The following SERINC5 variants were observed in gnomAD, a reference collection of about 807,000 sequenced individuals.
SERINC5 encodes serine incorporator 5, also known as chromosome 5 open reading frame 12.
Under a neutral mutation model 63.1 loss-of-function variants are expected in SERINC5, and 41 were observed. The observed-to-expected ratio is 0.65, with a 90% CI of 0.51 to 0.84. The LOEUF (loss-of-function observed/expected upper bound fraction) is 0.84, where lower values mean the gene tolerates loss of function less well. Among genes scored for constraint, SERINC5 ranks in the 40% least tolerant of loss-of-function variants. SERINC5 has a pLI of 0.00. For synonymous variants in SERINC5, 222 were observed against 215.2 expected, an observed-to-expected ratio of 1.03 and a Z score of -0.28; for missense variants, 523 against 573.0, an observed-to-expected ratio of 0.91 and a Z score of 0.89.
chr5:80,120,768 T>G (rs1438038263), intron 11 of SERINC5, among the ~76,000 whole-genome samples: 1 of 152,080 alleles, frequency 6.6e-6, no homozygotes, highest in Non-Finnish European at 1.5e-5. Flanking sequence ...GAGCCGAGTT[T>G]CAGGCTGCAC....
At chr5:80,118,022 G>T (rs1160999814) in intron 11 of SERINC5, among the ~76,000 whole-genome samples, 6 of 152,084 alleles carry the variant, frequency 3.9e-5, no homozygotes, top group Middle Eastern at 3.2e-3. Context: ...GGTCAACATG[G>T]TGAAACCCCA....
In SERINC5 at chr5:80,169,493, G is replaced by A. The variant is rs540414970; in HGVS notation, c.605C>T (p.Thr202Met). The change falls in exon 6 of 12, where the codon ACG (threonine) becomes ATG (methionine). Residue 202 changes from threonine (T) to methionine (M), a missense_variant. Physicochemically the swap from Thr to Met is moderately conservative, Grantham distance 81. Transcript: ENST00000507668. ...KLWYASLALV[T>M]LIMYSIATGG... ...AGTGGCAATGGAATACATGATGAGC[G>A]TCACCAGGGCCAGGGAGGCGTACCA... 128 of 1,613,884 alleles carry A rather than the reference G, an allele frequency of 7.9e-5. No homozygotes were observed. The East Asian group carries it at 2.0e-3, about 25-fold the overall frequency.
intron 6 of SERINC5, among the ~76,000 whole-genome samples, chr5:80,168,287 C>T (rs1021758558): frequency 2.0e-5 from 3 of 151,962 alleles, no homozygotes; most frequent in South Asian, 2.1e-4. Flanking sequence ...CCCCGCCTCC[C>T]GGGTTCAAGC....
intron 1 of SERINC5, among the ~76,000 whole-genome samples, chr5:80,229,779 G>A (rs1487109797): frequency 6.6e-6 from 1 of 152,172 alleles, no homozygotes; most frequent in East Asian, 1.9e-4. Context: ...TTGCATGCAT[G>A]CTCATTTCAT....
intron 3 of SERINC5, 98 bp from the exon 4 acceptor site, chr5:80,177,495 T>C: frequency 2.1e-6 from 2 of 943,104 alleles, no homozygotes; most frequent in East Asian, 2.5e-5. Context: ...TCCATGATTC[T>C]GCCATTGGCC....
At chr5:80,197,308 T>TGAGA (rs34195156) in intron 2 of SERINC5, among the ~76,000 whole-genome samples, 532 of 136,782 alleles carry the variant, frequency 3.9e-3, no homozygotes, top group African/African-American at 8.0e-3. Flanking sequence ...ACTCCATCTG[T>TGAGA]GAGAGAGAGA....
intron 11 of SERINC5, among the ~76,000 whole-genome samples, chr5:80,131,498 G>C (rs1423551812): frequency 6.6e-6 from 1 of 152,218 alleles, no homozygotes. Context: ...TCCAGTATGG[G>C]AAAGAGTGTG....
intron 1 of SERINC5, among the ~76,000 whole-genome samples, chr5:80,248,275 G>A (rs1415123281): frequency 1.3e-5 from 2 of 152,192 alleles, no homozygotes; most frequent in Non-Finnish European, 2.9e-5. Context: ...GGGCCACTAA[G>A]TCAAATATAG....
intron 2 of SERINC5, among the ~76,000 whole-genome samples, chr5:80,192,350 C>T (rs563758586): frequency 6.6e-6 from 1 of 152,316 alleles, no homozygotes; most frequent in South Asian, 2.1e-4. Context: ...CCTGCCTTCT[C>T]CCATGAGACT....
chr5:80,242,845 C>T (rs1033151614), intron 1 of SERINC5, among the ~76,000 whole-genome samples: 15 of 152,190 alleles, frequency 9.9e-5, no homozygotes, highest in African/African-American at 3.6e-4. Context: ...ATTGCTTGAA[C>T]TTGGGAGACA....
intron 8 of SERINC5, among the ~76,000 whole-genome samples, chr5:80,153,490 C>T (rs1746319669): frequency 1.3e-5 from 2 of 151,276 alleles, no homozygotes; most frequent in South Asian, 2.1e-4. Context: ...TTTTTATAAG[C>T]TCTTAAAGCC....
intron 1 of SERINC5, among the ~76,000 whole-genome samples, chr5:80,246,334 T>C (rs1752168124): frequency 6.6e-6 from 1 of 152,202 alleles, no homozygotes; most frequent in Non-Finnish European, 1.5e-5. Flanking sequence ...AAAGACCTCA[T>C]GAATTTTGTT....
downstream of SERINC5, among the ~76,000 whole-genome samples, chr5:80,138,066 G>A (rs1745285815): frequency 6.6e-6 from 1 of 151,882 alleles, no homozygotes; most frequent in African/African-American, 2.4e-5. Flanking sequence ...GGCACAAAAA[G>A]ACAAATGCTT....
rs574487676 is a variant in SERINC5, at chr5:80,142,225, T to G, written c.*1438A>C. On this transcript the variant is annotated 3_prime_UTR_variant, in exon 12 of 12. Transcript: ENST00000507668. ...ATCAACACTGAAAATAGGCATCATC[T>G]TGGGTAGCTGCCGAAAGTCACGTTT... is the stretch of plus-strand genomic sequence containing the variant. 15 of 983,612 alleles carry G rather than the reference T, an allele frequency of 1.5e-5. 1 individual carries two copies. In the African/African-American group the frequency reaches 2.4e-4, roughly 16 times the overall value. 60.9% of individuals were successfully genotyped at this position (983,612 alleles called of 1,614,324 possible).
intron 9 of SERINC5, among the ~76,000 whole-genome samples, chr5:80,147,557 C>T (rs1745901504): frequency 6.6e-6 from 1 of 152,190 alleles, no homozygotes; most frequent in Non-Finnish European, 1.5e-5. Flanking sequence ...TCCTGGGTAA[C>T]TGCCATGGAA....
chr5:80,139,083 T>C lies in SERINC5; in HGVS notation c.*4580A>G, dbSNP rs1048619202. 1.1e-5 allele frequency: 11 copies of C among 984,104 alleles called. No individual in the cohort carries two copies. Among genetic ancestry groups the C allele is most frequent in the Non-Finnish European group, 1.2e-5 (10 of 828,818 alleles). 61.0% of individuals were successfully genotyped at this position (984,104 alleles called of 1,614,324 possible). On this transcript the variant is annotated 3_prime_UTR_variant, in exon 12 of 12. Coordinates refer to ENST00000507668, the MANE Select transcript of SERINC5 (RefSeq NM_001174072.3). ...GAATCATATCAGAGACCATTATAAA[T>C]TTCAAACAGTAGATTTACCACACAT...
intron 11 of SERINC5, among the ~76,000 whole-genome samples, chr5:80,133,083 T>C (rs1745011016): frequency 6.6e-6 from 1 of 152,090 alleles, no homozygotes; most frequent in South Asian, 2.1e-4. Context: ...GAGATCTGGT[T>C]GTGTGTGGCA....
chr5:80,209,344 G>C (rs778504378), intron 1 of SERINC5, among the ~76,000 whole-genome samples: 5 of 149,972 alleles, frequency 3.3e-5, no homozygotes, highest in African/African-American at 4.9e-5. Context: ...CTTCTAAGAA[G>C]AGGAGGACAC....
intron 1 of SERINC5, among the ~76,000 whole-genome samples, chr5:80,225,965 T>A (rs1197926772): frequency 6.6e-6 from 1 of 152,056 alleles, no homozygotes; most frequent in East Asian, 1.9e-4. Flanking sequence ...TAGTTACCTA[T>A]CATTTCTTAA....
Sources: gnomAD v4.1 joint callset for allele counts (sites outside exome capture counted in the v4.1 genomes callset) on GRCh38, gnomAD v4.1.1 for gene constraint, MANE v1.5 for transcripts, NCBI Gene and HGNC (gene_info 2026-07-23, HGNC 2026-07-21) for gene names.